CNTNAP2: variants seen among roughly 807,000 people sequenced by gnomAD.
CNTNAP2 encodes contactin-associated protein-like 2.
A neutral mutation model predicts 155.2 loss-of-function variants in CNTNAP2; 98 were observed. That is an observed-to-expected ratio of 0.63 (90% CI 0.54 to 0.75). The LOEUF is 0.75. Ranked by LOEUF, CNTNAP2 falls within the 30% of genes least tolerant of loss-of-function variation. CNTNAP2 has a pLI of 0.00. For missense variants in CNTNAP2, 1,727 were observed against 1,688.1 expected, an observed-to-expected ratio of 1.02 and a Z score of -0.40; for synonymous variants, 651 against 631.2, an observed-to-expected ratio of 1.03 and a Z score of -0.47.
intron 1 of CNTNAP2, among the ~76,000 whole-genome samples, chr7:146,571,519 T>G (rs1798439234): frequency 6.6e-6 from 1 of 152,098 alleles, no homozygotes; most frequent in African/African-American, 2.4e-5. Flanking sequence ...GGACTTTTAT[T>G]TGGGAGGTAG....
At chr7:147,701,484 G>A (rs1796235428) in intron 13 of CNTNAP2, among the ~76,000 whole-genome samples, 1 of 152,134 alleles carries the variant, frequency 6.6e-6, no homozygotes. Flanking sequence ...GAAATTCGCT[G>A]GGTGACTTGT....
At chr7:148,231,035 C>A (rs1419370270) in intron 20 of CNTNAP2, among the ~76,000 whole-genome samples, 2 of 152,184 alleles carry the variant, frequency 1.3e-5, no homozygotes, top group East Asian at 3.8e-4. Flanking sequence ...CCCAATTTGT[C>A]ACCTCTTTTA....
At chr7:146,174,195 C>G (rs974693645) in intron 1 of CNTNAP2, among the ~76,000 whole-genome samples, 2 of 150,002 alleles carry the variant, frequency 1.3e-5, no homozygotes, top group African/African-American at 4.9e-5. Context: ...GACTAAGATG[C>G]TGTCTCAAAA....
At chr7:146,263,912 A>G (rs1799956955) in intron 1 of CNTNAP2, among the ~76,000 whole-genome samples, 1 of 152,152 alleles carries the variant, frequency 6.6e-6, no homozygotes, top group African/African-American at 2.4e-5. Context: ...AATTATCTTA[A>G]TTTACTTATA....
chr7:147,986,199 C>T (rs1285647262), intron 15 of CNTNAP2, among the ~76,000 whole-genome samples: 2 of 152,126 alleles, frequency 1.3e-5, no homozygotes, highest in Non-Finnish European at 2.9e-5. Flanking sequence ...ACCACTTTCT[C>T]TCTGTCTCTC....
At chr7:146,990,711 A>G (rs1798193724) in intron 3 of CNTNAP2, among the ~76,000 whole-genome samples, 2 of 152,092 alleles carry the variant, frequency 1.3e-5, no homozygotes, top group African/African-American at 4.8e-5. Flanking sequence ...TGTTATTTTT[A>G]GAAGTTGTTT....
intron 3 of CNTNAP2, among the ~76,000 whole-genome samples, chr7:146,860,587 T>C (rs1341499636): frequency 6.6e-6 from 1 of 152,206 alleles, no homozygotes; most frequent in African/African-American, 2.4e-5. Flanking sequence ...TGGATCATAT[T>C]GATCTACTCA....
chr7:148,122,867 A>AAAAAAAAAAAAAAAAAAAAAAAAG (rs543029148), intron 16 of CNTNAP2, among the ~76,000 whole-genome samples: 3 of 150,722 alleles, frequency 2.0e-5, no homozygotes, highest in African/African-American at 7.4e-5. Flanking sequence ...AAAAAAAAAG[A>AAAAAAAAAAAAAAAAAAAAAAAAG]AAAAAAAAGA....
chr7:147,616,598 C>G (rs1490690011), intron 12 of CNTNAP2, among the ~76,000 whole-genome samples: 1 of 152,114 alleles, frequency 6.6e-6, no homozygotes, highest in Non-Finnish European at 1.5e-5. Flanking sequence ...TCATATCATT[C>G]CGAAATTTGC....
rs757540315 is a variant in CNTNAP2, at chr7:146,703,916, CTTTAT to C, written c.98-70350_98-70346del. ...CTCTCCCTTCTTTGTTCCAAGTCTT[CTTTAT>C]TTTAATTTTTTTCTCTGACAAACTC... On this transcript the variant is annotated intron_variant, in intron 1 of 23. Coordinates refer to ENST00000361727, the MANE Select transcript of CNTNAP2 (RefSeq NM_014141.6). Among the ~76,000 whole-genome samples, 15 of 152,092 alleles carry C rather than the reference CTTTAT, an allele frequency of 9.9e-5. No individual in the cohort carries two copies. The South Asian group carries it at 2.9e-3, about 29-fold the overall frequency.
In CNTNAP2 at chr7:147,001,046, C is replaced by T. The variant is rs530108811; in HGVS notation, c.403-42861C>T. On this transcript the variant is annotated intron_variant, in intron 3 of 23. Coordinates refer to ENST00000361727, the MANE Select transcript of CNTNAP2 (RefSeq NM_014141.6). ...TATTTGTGTCCAAGGCAAAGTTCTACGATTGCTTACCTCTCTTTCTCCCAA... is the reference window on the plus strand; with the variant it reads ...TATTTGTGTCCAAGGCAAAGTTCTATGATTGCTTACCTCTCTTTCTCCCAA... 7.0e-4 allele frequency among the ~76,000 whole-genome samples: 106 copies of T among 152,196 alleles called. 1 individual carries two copies. In the South Asian group the frequency reaches 0.017, roughly 24 times the overall value.
intron 1 of CNTNAP2, among the ~76,000 whole-genome samples, chr7:146,594,945 T>A (rs1798837271): frequency 6.6e-6 from 1 of 152,098 alleles, no homozygotes; most frequent in Admixed American, 6.6e-5. Flanking sequence ...AGGTGTGTAG[T>A]GACACATCAT....
intron 13 of CNTNAP2, among the ~76,000 whole-genome samples, chr7:147,869,328 A>G (rs930709611): frequency 6.6e-6 from 1 of 152,230 alleles, no homozygotes; most frequent in African/African-American, 2.4e-5. Flanking sequence ...GTAGGATGAT[A>G]GTGTATAGTT....
Position 147,315,140 on chromosome 7 carries a change from G to A in CNTNAP2, c.1498+14850G>A, listed in dbSNP as rs143141130. 6.1e-3 allele frequency among the ~76,000 whole-genome samples: 898 copies of A among 147,254 alleles called. 40 individuals are homozygous for A. The highest frequency in any genetic ancestry group is 0.058 in the South Asian group (267 of 4,614). On this transcript the variant is annotated intron_variant, in intron 9 of 23. Coordinates refer to ENST00000361727, the MANE Select transcript of CNTNAP2 (RefSeq NM_014141.6). ...AAAAAAAAAAAAAAAGTCTTTGGCT[G>A]CCTTCTTAGTAAAATTCTGATTCAG...
At position 146,400,618 on chromosome 7, in the gene CNTNAP2, C is replaced by G. The variant is rs115065368; in HGVS notation, c.97+283645C>G. On this transcript the variant is annotated intron_variant, in intron 1 of 23. Coordinates refer to ENST00000361727, the MANE Select transcript of CNTNAP2 (RefSeq NM_014141.6). ...TGAGTAAAAGTCTGCATAAGACATA[C>G]TGAGTGAAAGTTTGGGGTTGTTTTC... Among the ~76,000 whole-genome samples the G allele has an allele frequency of 8.1e-3, 1,232 of 152,304 alleles. 11 individuals are homozygous for G. The highest frequency in any genetic ancestry group is 0.024 in the African/African-American group (994 of 41,566).
chr7:146,570,087 T>C (rs898931781), intron 1 of CNTNAP2, among the ~76,000 whole-genome samples: 1 of 152,208 alleles, frequency 6.6e-6, no homozygotes, highest in African/African-American at 2.4e-5. Context: ...ATTCTGATAT[T>C]AGCTATTGGA....
intron 13 of CNTNAP2, among the ~76,000 whole-genome samples, chr7:147,874,185 C>T (rs1786601262): frequency 6.6e-6 from 1 of 152,190 alleles, no homozygotes; most frequent in Non-Finnish European, 1.5e-5. Context: ...GACGGTGACG[C>T]TCTTCTCACA....
At position 148,035,223 on chromosome 7, in the gene CNTNAP2, C is replaced by T. The variant is rs1036126907; in HGVS notation, c.2383+57234C>T. ...GCCATGTAAAGGTGCTGCCAAGCAA[C>T]CCTTTAATAAAGGGATTAGTACAGC... On this transcript the variant is annotated intron_variant, in intron 15 of 23. Transcript: ENST00000361727. Among the ~76,000 whole-genome samples, 4 of 152,172 alleles carry T rather than the reference C, an allele frequency of 2.6e-5. No individual in the cohort carries two copies. In the East Asian group the frequency reaches 7.7e-4, roughly 29 times the overall value.
chr7:146,547,672 C>T (rs940964), intron 1 of CNTNAP2, among the ~76,000 whole-genome samples: 99,114 of 151,770 alleles, frequency 0.65, 33,907 homozygotes, highest in African/African-American at 0.83. Flanking sequence ...ATTTTAAATC[C>T]GGATAGTATT....
Sources: allele counts gnomAD v4.1 joint callset (sites outside exome capture counted in the v4.1 genomes callset), GRCh38; gene constraint gnomAD v4.1.1; transcripts MANE v1.5; gene names NCBI Gene and HGNC (gene_info 2026-07-23, HGNC 2026-07-21).